ULK4: variants seen among roughly 807,000 people sequenced by gnomAD.
ULK4 encodes inactive serine/threonine-protein kinase ULK4.
In ULK4, 133 loss-of-function variants were observed where a neutral mutation model predicts 160.6. The ratio of observed to expected loss-of-function variants is 0.83; its 90% CI spans 0.72 to 0.96. The LOEUF is 0.96. Among genes scored for constraint, ULK4 ranks in the 40% least tolerant of loss-of-function variants. ULK4 has a pLI of 0.00. For synonymous variants in ULK4, 534 were observed against 539.8 expected, an observed-to-expected ratio of 0.99 and a Z score of 0.15; for missense variants, 1,580 against 1,499.5, an observed-to-expected ratio of 1.05 and a Z score of -0.89.
chr3:41,685,722 C>T (rs1458372699), intron 27 of ULK4, among the ~76,000 whole-genome samples: 1 of 152,096 alleles, frequency 6.6e-6, no homozygotes, highest in East Asian at 1.9e-4. Context: ...TTTATCAATT[C>T]GTATGTTTTG....
chr3:41,648,023 G>A (rs959566393), intron 30 of ULK4, among the ~76,000 whole-genome samples: 1 of 152,222 alleles, frequency 6.6e-6, no homozygotes, highest in Non-Finnish European at 1.5e-5. Context: ...TAATCTCGTG[G>A]TGCGCCATTT....
chr3:41,825,585 A>T (rs1440704699), intron 18 of ULK4, among the ~76,000 whole-genome samples: 1 of 152,242 alleles, frequency 6.6e-6, no homozygotes, highest in Non-Finnish European at 1.5e-5. Context: ...AAATGAATGA[A>T]ATGAAGCAAG....
chr3:41,893,946 G>A (rs952093693), intron 16 of ULK4, among the ~76,000 whole-genome samples: 3 of 152,122 alleles, frequency 2.0e-5, no homozygotes, highest in Non-Finnish European at 4.4e-5. Flanking sequence ...CGCTGGAAGT[G>A]GCTTTGAATG....
chr3:41,721,279 T>TTTTTTTG (rs67078043), intron 22 of ULK4, among the ~76,000 whole-genome samples: 3 of 98,922 alleles, frequency 3.0e-5, no homozygotes, highest in East Asian at 2.7e-4. Context: ...TTTTTTTTTT[T>TTTTTTTG]TTTTTGGGTT....
At chr3:41,715,996 G>A (rs1308946071) in intron 23 of ULK4, among the ~76,000 whole-genome samples, 1 of 151,564 alleles carries the variant, frequency 6.6e-6, no homozygotes, top group Non-Finnish European at 1.5e-5. Flanking sequence ...GGCAGATCAC[G>A]AGGTCAGGAG....
At chr3:41,525,463 GCAGCCA>G (rs1227514634) in intron 32 of ULK4, among the ~76,000 whole-genome samples, 4 of 152,198 alleles carry the variant, frequency 2.6e-5, no homozygotes, top group Non-Finnish European at 5.9e-5. Context: ...GTCTTCTGGT[GCAGCCA>G]CAGGGAGCCA....
chr3:41,613,499 C>A (rs2032805726), intron 31 of ULK4, among the ~76,000 whole-genome samples: 1 of 139,360 alleles, frequency 7.2e-6, no homozygotes, highest in African/African-American at 3.1e-5. Flanking sequence ...ATCTCAGTTT[C>A]AGAAATGTTA....
At chr3:41,800,974 C>G (rs2040441678) in intron 19 of ULK4, among the ~76,000 whole-genome samples, 1 of 152,142 alleles carries the variant, frequency 6.6e-6, no homozygotes, top group African/African-American at 2.4e-5. Flanking sequence ...CAGTGAGTAA[C>G]ATCTAATTGA....
chr3:41,473,748 T>G (rs2084060388), intron 32 of ULK4, among the ~76,000 whole-genome samples: 1 of 151,332 alleles, frequency 6.6e-6, no homozygotes, highest in African/African-American at 2.4e-5. Context: ...TTACAATAGT[T>G]GTAAAAAAAT....
intron 23 of ULK4, among the ~76,000 whole-genome samples, chr3:41,717,450 A>T (rs962045884): frequency 6.6e-6 from 1 of 152,102 alleles, no homozygotes; most frequent in Non-Finnish European, 1.5e-5. Context: ...TAAGCAATTA[A>T]ACCGCTTTTC....
rs151329068 is a variant in ULK4 at position 41,376,800 on chromosome 3, C to G, written c.3678+21279G>C. ...ATATCGTAAAAATGGCCATAATACC[C>G]AAGGTAATTTACAGATTCAATGCCA... On this transcript the variant is annotated intron_variant, in intron 35 of 36. Coordinates refer to ENST00000301831, the MANE Select transcript of ULK4 (RefSeq NM_017886.4). Among the ~76,000 whole-genome samples the G allele has an allele frequency of 2.7e-5, 4 of 150,042 alleles. No homozygotes were observed. In the East Asian group the frequency reaches 6.3e-4, roughly 23 times the overall value.
chr3:41,613,516 GA>G (rs5848607), intron 31 of ULK4, among the ~76,000 whole-genome samples: 53,867 of 144,936 alleles, frequency 0.37, 12,661 homozygotes, highest in African/African-American at 0.68. Flanking sequence ...GTTAAAATCT[GA>G]AAAAAAAAAA....
intron 30 of ULK4, among the ~76,000 whole-genome samples, chr3:41,645,109 G>T (rs2125726402): frequency 6.6e-6 from 1 of 151,886 alleles, no homozygotes; most frequent in South Asian, 2.1e-4. Context: ...TCTTGCCAGG[G>T]GTCTATCAAT....
intron 31 of ULK4, among the ~76,000 whole-genome samples, chr3:41,588,453 G>A (rs2030999221): frequency 6.6e-6 from 1 of 151,982 alleles, no homozygotes; most frequent in South Asian, 2.1e-4. Flanking sequence ...AGAAACTATG[G>A]GACTGAGTTT....
chr3:41,676,756 A>G (rs1029787496), intron 29 of ULK4, among the ~76,000 whole-genome samples: 2 of 152,104 alleles, frequency 1.3e-5, no homozygotes, highest in African/African-American at 4.8e-5. Flanking sequence ...TGATGAAGAG[A>G]GAAAATATTG....
chr3:41,625,321 G>A (rs573702732), intron 30 of ULK4, among the ~76,000 whole-genome samples: 6 of 152,152 alleles, frequency 3.9e-5, no homozygotes, highest in Non-Finnish European at 8.8e-5. Context: ...TAAGGAGATT[G>A]CTTTAGAGAC....
chr3:41,948,002 C>T (rs564058496), intron 2 of ULK4, among the ~76,000 whole-genome samples: 2 of 152,292 alleles, frequency 1.3e-5, no homozygotes, highest in African/African-American at 2.4e-5. Flanking sequence ...AACTCTTGCA[C>T]ATGCTGAACC....
At chr3:41,585,498 TA>T (rs1458152026) in intron 31 of ULK4, among the ~76,000 whole-genome samples, 1 of 152,174 alleles carries the variant, frequency 6.6e-6, no homozygotes, top group Non-Finnish European at 1.5e-5. Context: ...TTTTACCTTA[TA>T]CCATATACAA....
At chr3:41,555,525 A>T (rs1231957488) in intron 32 of ULK4, among the ~76,000 whole-genome samples, 1 of 152,102 alleles carries the variant, frequency 6.6e-6, no homozygotes, top group African/African-American at 2.4e-5. Flanking sequence ...AAAATAAGAG[A>T]TGCTAGCAAG....
Sources: gnomAD v4.1 joint callset for allele counts (sites outside exome capture counted in the v4.1 genomes callset) on GRCh38, gnomAD v4.1.1 for gene constraint, MANE v1.5 for transcripts, NCBI Gene and HGNC (gene_info 2026-07-23, HGNC 2026-07-21) for gene names.